KLHL10: variants seen among roughly 807,000 people sequenced by gnomAD.
KLHL10 encodes the protein kelch-like protein 10.
KLHL10 carries 11 observed loss-of-function variants against 46.6 expected under a neutral mutation model. That is an observed-to-expected ratio of 0.24 (90% CI 0.15 to 0.39). The LOEUF (loss-of-function observed/expected upper bound fraction) is 0.39. Ranked by LOEUF, KLHL10 falls within the 10% of genes least tolerant of loss-of-function variation. The pLI, the probability that KLHL10 is intolerant of heterozygous loss-of-function variation, is 1.00. For synonymous variants in KLHL10, 254 were observed against 279.1 expected (o/e 0.91, Z 0.90); for missense variants, 475 against 789.8 (o/e 0.60, Z 4.78).
chr17:41,842,168 G>A lies in KLHL10; in HGVS notation c.540G>A (p.Glu180=), dbSNP rs1048016944. 1 of 1,614,158 alleles carries A rather than the reference G, an allele frequency of 6.2e-7. No individual in the cohort carries two copies. The highest frequency in any genetic ancestry group is 1.7e-5 in the Admixed American group (1 of 60,020). Residue 180 remains glutamate, a synonymous_variant, in exon 2 of 5, where the codon GAG becomes GAA. Coordinates refer to ENST00000293303, the MANE Select transcript of KLHL10 (RefSeq NM_152467.5). Reference sequence around the variant, plus strand: ...TGAAAGTCTCGGCAGAATTTTTAGAGCTCTCGGTCACTGAACTTAAGGATA... The same window carrying A: ...TGAAAGTCTCGGCAGAATTTTTAGAACTCTCGGTCACTGAACTTAAGGATA... The part of the protein sequence containing the change: ...EMVKVSAEFL[E]LSVTELKDII...
rs183554974 is a variant in KLHL10 at position 41,840,368 on chromosome 17, G to T, written c.195-1455G>T. 5.3e-5 allele frequency among the ~76,000 whole-genome samples: 8 copies of T among 152,248 alleles called. No individual in the cohort carries two copies. In the South Asian group the frequency reaches 1.7e-3, roughly 32 times the overall value. On this transcript the variant is annotated intron_variant, in intron 1 of 4. Coordinates refer to ENST00000293303, the MANE Select transcript of KLHL10 (RefSeq NM_152467.5). Reference sequence around the variant, plus strand: ...CAACCAGCGGGGCGCAGTGGCTCACGCCTGGAATCCCAATAATTTGGGAGG... The same window carrying T: ...CAACCAGCGGGGCGCAGTGGCTCACTCCTGGAATCCCAATAATTTGGGAGG...
At chr17:41,847,140 AC>A in intron 3 of KLHL10, 120 bp from the exon 4 acceptor site, 1 of 880,138 alleles carries the variant, frequency 1.1e-6, no homozygotes. Flanking sequence ...GCATGCACAT[AC>A]AAAAAAAAGA....
intron 1 of KLHL10, among the ~76,000 whole-genome samples, chr17:41,839,133 AG>A (rs1382588062): frequency 6.6e-6 from 1 of 152,132 alleles, no homozygotes; most frequent in Non-Finnish European, 1.5e-5. Flanking sequence ...CTGGAATTAC[AG>A]GCTCCCGCCA....
In KLHL10 at chr17:41,848,179, C is replaced by G. The variant is rs1555621694; in HGVS notation, c.1699C>G (p.Leu567Val). ...AHDMSIYRSALSCCVVPGLAN... is the reference protein window; with the variant it reads ...AHDMSIYRSAVSCCVVPGLAN... ...TGACATGAGTATATACCGCAGTGCT[C>G]TGAGCTGCTGTGTAGTACCAGGGCT... Residue 567 changes from leucine to valine, a missense_variant, in exon 5 of 5, where the codon CTG becomes GTG. Physicochemically the swap from Leu to Val is conservative, Grantham distance 32. Transcript: ENST00000293303. The G allele has an allele frequency of 6.2e-7, 1 of 1,614,158 alleles. No homozygotes were observed. Among genetic ancestry groups the G allele is most frequent in the African/African-American group, 1.3e-5 (1 of 75,036 alleles).
At position 41,841,140 on chromosome 17, in the gene KLHL10, C is replaced by CAA. The variant is rs56205509; in HGVS notation, c.195-673_195-672dup. Among the ~76,000 whole-genome samples, 2 of 131,988 alleles carry CAA rather than the reference C, an allele frequency of 1.5e-5. 1 individual carries two copies. The highest frequency in any genetic ancestry group is 1.5e-4 in the Admixed American group (2 of 12,976). 86.6% of individuals were successfully genotyped at this position (131,988 alleles called of 152,430 possible). ...GGGTGACAGAGCAAGACCCTGTTTC[C>CAA]AAAAAAAAAAAGAAAAAAAGAAAAG... On this transcript the variant is annotated intron_variant, in intron 1 of 4. Coordinates refer to ENST00000293303, the MANE Select transcript of KLHL10 (RefSeq NM_152467.5).
intron 4 of KLHL10, 58 bp from the exon 5 acceptor site, chr17:41,847,875 T>A (rs2048306357): frequency 6.2e-7 from 1 of 1,608,634 alleles, no homozygotes; most frequent in Non-Finnish European, 8.5e-7. Flanking sequence ...AACAAGGGCT[T>A]CCTCAGTGAA....
chr17:41,835,854 G>T (rs1555619855), upstream of KLHL10: 1 of 1,606,270 alleles, frequency 6.2e-7, no homozygotes, highest in African/African-American at 1.3e-5. Flanking sequence ...ACGCCCCAGA[G>T]GTACCTGTAA....
intron 2 of KLHL10, among the ~76,000 whole-genome samples, chr17:41,844,457 C>G (rs2048260453): frequency 6.6e-6 from 1 of 151,804 alleles, no homozygotes; most frequent in South Asian, 2.1e-4. Flanking sequence ...GTGTCAAATG[C>G]CTGACCTCAA....
chr17:41,846,016 C>T (rs1200021216), intron 3 of KLHL10, among the ~76,000 whole-genome samples: 1 of 151,892 alleles, frequency 6.6e-6, no homozygotes, highest in Non-Finnish European at 1.5e-5. Flanking sequence ...TCAAGACCAG[C>T]CTGGCCAACA....
upstream of KLHL10, chr17:41,837,484 C>G: frequency 1.1e-6 from 1 of 940,548 alleles, no homozygotes; most frequent in Non-Finnish European, 1.3e-6. Context: ...TTACTTCTCC[C>G]TTCAGCCTCA....
intron 2 of KLHL10, among the ~76,000 whole-genome samples, chr17:41,843,515 A>T (rs868940155): frequency 6.6e-6 from 1 of 151,774 alleles, no homozygotes; most frequent in African/African-American, 2.4e-5. Context: ...AATTAACAAA[A>T]AAAAAAAAAA....
intron 2 of KLHL10, 28 bp from the exon 3 acceptor site, chr17:41,845,098 T>G: frequency 6.2e-7 from 1 of 1,614,144 alleles, no homozygotes; most frequent in South Asian, 1.1e-5. Flanking sequence ...TCACGTCACC[T>G]GAATGACTTT....
At chr17:41,836,125 C>A (rs1292333332), upstream of KLHL10, 1 of 1,324,320 alleles carries the variant, frequency 7.6e-7, no homozygotes. Context: ...GGGCTCGAAG[C>A]GCCCCGGGGG....
chr17:41,835,787 G>A (rs1460746111), upstream of KLHL10: 86 of 1,397,272 alleles, frequency 6.2e-5, 1 homozygote, highest in Middle Eastern at 3.6e-4. Flanking sequence ...GAGCAAAGCG[G>A]GAAGGCCCAA....
At chr17:41,836,278 C>CGGGCGGGGGTTGGTGGGGCCGG (rs1555620050), upstream of KLHL10, 4 of 818,650 alleles carry the variant, frequency 4.9e-6, no homozygotes, top group East Asian at 2.6e-4. Context: ...GCCTGGAGCC[C>CGGGCGGGGGTTGGTGGGGCCGG]GGGCGGGGGT....
At position 41,845,315 on chromosome 17, in the gene KLHL10, A is replaced by G. The variant is rs1265831885; in HGVS notation, c.874A>G (p.Ile292Val). 1.4e-5 allele frequency: 23 copies of G among 1,614,092 alleles called. 1 individual carries two copies. In the Admixed American group the frequency reaches 3.8e-4, roughly 27 times the overall value. Reference protein sequence around the residue: ...PLTRPRLPYAILFAIGGWSGG... With the variant: ...PLTRPRLPYAVLFAIGGWSGG... ...CACCAGACCACGCTTGCCCTATGCCATCCTCTTTGCAATTGGTGGCTGGAG... is the reference window on the plus strand; with the variant it reads ...CACCAGACCACGCTTGCCCTATGCCGTCCTCTTTGCAATTGGTGGCTGGAG... The change falls in exon 3 of 5, where the codon ATC becomes GTC. Residue 292 changes from isoleucine (I) to valine (V), a missense_variant. By Grantham distance (29) the Ile-to-Val change is conservative. Coordinates refer to ENST00000293303, the MANE Select transcript of KLHL10 (RefSeq NM_152467.5).
chr17:41,838,954 G>A, intron 1 of KLHL10, among the ~76,000 whole-genome samples: 1 of 151,944 alleles, frequency 6.6e-6, no homozygotes, highest in Non-Finnish European at 1.5e-5. Flanking sequence ...CTCCCAAAGT[G>A]CTAGGATTAC....
upstream of KLHL10, chr17:41,837,625 T>C: frequency 4.6e-6 from 5 of 1,098,336 alleles, no homozygotes; most frequent in Non-Finnish European, 5.8e-6. Context: ...AACACTCAGA[T>C]GGTGCTAGTG....
In KLHL10 at chr17:41,848,382, C is replaced by A; in HGVS notation, c.*75C>A. On this transcript the variant is annotated 3_prime_UTR_variant, in exon 5 of 5. Coordinates refer to ENST00000293303, the MANE Select transcript of KLHL10 (RefSeq NM_152467.5). The stretch of plus-strand genomic sequence containing the variant: ...TTTTTAAAAAAATGCAGTGTTTAAA[C>A]TTTGAAGAGTACTGGAAAATGTTCA... 1 of 1,483,636 alleles carries A rather than the reference C, an allele frequency of 6.7e-7. No homozygotes were observed. Among genetic ancestry groups the A allele is most frequent in the Admixed American group, 1.8e-5 (1 of 55,732 alleles). 91.9% of individuals were successfully genotyped at this position (1,483,636 alleles called of 1,614,324 possible). A position where few individuals can be genotyped will look rare whatever the true frequency, so the allele number is the denominator to read the frequency against.
Sources: gnomAD v4.1 joint callset for allele counts (sites outside exome capture counted in the v4.1 genomes callset) on GRCh38, gnomAD v4.1.1 for gene constraint, MANE v1.5 for transcripts, NCBI Gene and HGNC (gene_info 2026-07-23, HGNC 2026-07-21) for gene names.